GPC5: variants seen among roughly 807,000 people sequenced by gnomAD.
GPC5 encodes the protein glypican 5, also known as glypican-5.
GPC5 carries 47 observed loss-of-function variants against 53.9 expected under a neutral mutation model. That is an observed-to-expected ratio of 0.87 (90% CI 0.69 to 1.11). GPC5 has a LOEUF of 1.11. GPC5 is among the 50% of genes most tolerant of loss of function. GPC5 has a pLI of 0.00. For synonymous variants in GPC5, 286 were observed against 263.3 expected (o/e 1.09, Z -0.84); for missense variants, 748 against 713.1 (o/e 1.05, Z -0.56).
chr13:92,771,366 A>G (rs180965961), intron 7 of GPC5, among the ~76,000 whole-genome samples: 2 of 152,222 alleles, frequency 1.3e-5, no homozygotes, highest in East Asian at 3.9e-4. Context: ...CTTTCGAGAC[A>G]GAGTCTCGCT....
In GPC5 at chr13:91,500,040, A is replaced by G. The variant is rs544730187; in HGVS notation, c.325+51118A>G. On this transcript the variant is annotated intron_variant, in intron 2 of 7. Coordinates refer to ENST00000377067, the MANE Select transcript of GPC5 (RefSeq NM_004466.6). The stretch of plus-strand genomic sequence containing the variant: ...ACTCTTCTCTTAGGTATCCCCTTGG[A>G]CCATGCCCTCATTTCCAGCTAGTTC... Among the ~76,000 whole-genome samples the G allele has an allele frequency of 7.2e-5, 11 of 152,258 alleles. No homozygotes were observed. In the South Asian group the frequency reaches 1.9e-3, roughly 26 times the overall value.
intron 6 of GPC5, among the ~76,000 whole-genome samples, chr13:91,923,925 A>T (rs558394457): frequency 1.3e-5 from 2 of 152,214 alleles, no homozygotes; most frequent in Non-Finnish European, 2.9e-5. Context: ...ACAAAGCAAG[A>T]TAGTTGCTAA....
intron 7 of GPC5, among the ~76,000 whole-genome samples, chr13:92,377,457 A>T (rs2043704313): frequency 6.6e-6 from 1 of 152,140 alleles, no homozygotes; most frequent in African/African-American, 2.4e-5. Flanking sequence ...TCTCTGTGAT[A>T]TAATATGGAA....
At chr13:92,269,859 T>A (rs1298351182) in intron 7 of GPC5, among the ~76,000 whole-genome samples, 1 of 152,210 alleles carries the variant, frequency 6.6e-6, no homozygotes, top group African/African-American at 2.4e-5. Context: ...AGCTCATGGC[T>A]AGGATGGGTG....
intron 7 of GPC5, among the ~76,000 whole-genome samples, chr13:92,338,544 A>G (rs776343991): frequency 2.0e-5 from 3 of 152,146 alleles, no homozygotes; most frequent in African/African-American, 4.8e-5. Context: ...GGTACATCCT[A>G]CAATGGAATA....
At chr13:92,486,445 T>C (rs530944062) in intron 7 of GPC5, among the ~76,000 whole-genome samples, 36 of 152,256 alleles carry the variant, frequency 2.4e-4, no homozygotes, top group African/African-American at 8.4e-4. Context: ...CTTCCTAAAG[T>C]GTGATGTAAT....
intron 7 of GPC5, among the ~76,000 whole-genome samples, chr13:92,796,969 G>A (rs749565689): frequency 1.5e-4 from 23 of 151,822 alleles, no homozygotes; most frequent in East Asian, 2.0e-4. Flanking sequence ...TGGCTTCTTC[G>A]AAAAGCACAT....
chr13:92,556,129 G>GTTTTGT (rs1449575876), intron 7 of GPC5, among the ~76,000 whole-genome samples: 1 of 151,606 alleles, frequency 6.6e-6, no homozygotes, highest in Non-Finnish European at 1.5e-5. Flanking sequence ...TTGGGTTTCT[G>GTTTTGT]TTTTGTTTTT....
chr13:92,373,932 T>C (rs908986341), intron 7 of GPC5, among the ~76,000 whole-genome samples: 4 of 152,220 alleles, frequency 2.6e-5, no homozygotes, highest in African/African-American at 4.8e-5. Flanking sequence ...ATTGGTATAA[T>C]GTTGCTAGAT....
At chr13:92,039,990 C>T (rs1299128122) in intron 6 of GPC5, among the ~76,000 whole-genome samples, 2 of 152,154 alleles carry the variant, frequency 1.3e-5, no homozygotes, top group African/African-American at 2.4e-5. Context: ...CACTCCACAG[C>T]TCTGCCAAGG....
intron 2 of GPC5, among the ~76,000 whole-genome samples, chr13:91,523,980 A>G (rs1290260391): frequency 1.3e-5 from 2 of 152,002 alleles, no homozygotes; most frequent in African/African-American, 2.4e-5. Context: ...AAAATATATT[A>G]GAAAACTACA....
At chr13:92,772,669 T>C (rs1035241813) in intron 7 of GPC5, among the ~76,000 whole-genome samples, 1 of 152,210 alleles carries the variant, frequency 6.6e-6, no homozygotes, top group Non-Finnish European at 1.5e-5. Flanking sequence ...ACTTTCTCCA[T>C]GGAAAGGAAG....
At chr13:92,119,576 T>TA (rs2041631197) in intron 6 of GPC5, among the ~76,000 whole-genome samples, 1 of 132,616 alleles carries the variant, frequency 7.5e-6, no homozygotes, top group Non-Finnish European at 1.6e-5. Flanking sequence ...AATTTTTTTT[T>TA]TTTTTTTTTT....
At chr13:91,572,825 A>T (rs2031985442) in intron 2 of GPC5, among the ~76,000 whole-genome samples, 1 of 152,138 alleles carries the variant, frequency 6.6e-6, no homozygotes, top group Admixed American at 6.6e-5. Context: ...TACTTCTAAC[A>T]CAAAGTTTAA....
intron 7 of GPC5, among the ~76,000 whole-genome samples, chr13:92,441,562 T>C (rs1200694084): frequency 6.6e-6 from 1 of 152,092 alleles, no homozygotes; most frequent in African/African-American, 2.4e-5. Context: ...GAGGGCCAAA[T>C]CAAGAGTGCA....
intron 7 of GPC5, among the ~76,000 whole-genome samples, chr13:92,414,439 A>C (rs1350234602): frequency 6.7e-6 from 1 of 149,678 alleles, no homozygotes; most frequent in East Asian, 2.0e-4. Flanking sequence ...GGAGAGGTGG[A>C]GGTTGCAGTG....
At chr13:92,642,782 G>A (rs1258137270) in intron 7 of GPC5, among the ~76,000 whole-genome samples, 2 of 152,132 alleles carry the variant, frequency 1.3e-5, no homozygotes, top group African/African-American at 4.8e-5. Context: ...AAGAAACAGA[G>A]GAGAGAGAAA....
intron 2 of GPC5, among the ~76,000 whole-genome samples, chr13:91,523,942 C>G (rs1377741680): frequency 1.3e-5 from 2 of 151,724 alleles, no homozygotes; most frequent in Non-Finnish European, 2.9e-5. Context: ...TTTATGGTTT[C>G]TCTTTGCATG....
chr13:92,485,503 A>C (rs183855927), intron 7 of GPC5, among the ~76,000 whole-genome samples: 4 of 152,298 alleles, frequency 2.6e-5, no homozygotes, highest in African/African-American at 9.6e-5. Context: ...TAGAAAAAAA[A>C]ATCACTTTCT....
Sources: allele counts gnomAD v4.1 joint callset (sites outside exome capture counted in the v4.1 genomes callset), GRCh38; gene constraint gnomAD v4.1.1; transcripts MANE v1.5; gene names NCBI Gene and HGNC (gene_info 2026-07-23, HGNC 2026-07-21).